The following GTPBP4 variants were observed in gnomAD, a reference collection of about 807,000 sequenced individuals.
GTPBP4 encodes GTP-binding protein 4.
Under a neutral mutation model 81.7 loss-of-function variants are expected in GTPBP4, and 15 were observed. The observed-to-expected ratio is 0.18, with a 90% CI of 0.12 to 0.28. The LOEUF (loss-of-function observed/expected upper bound fraction) is 0.28. Among genes scored for constraint, GTPBP4 ranks in the 10% least tolerant of loss-of-function variants. The pLI, the probability that GTPBP4 is intolerant of heterozygous loss-of-function variation, is 1.00. For synonymous variants in GTPBP4, 272 were observed against 274.6 expected (o/e 0.99, Z 0.09); for missense variants, 847 against 793.8 (o/e 1.07, Z -0.81).
chr10:997,097 G>C, intron 4 of GTPBP4, 111 bp from the exon 5 acceptor site: 1 of 717,084 alleles, frequency 1.4e-6, no homozygotes, highest in Non-Finnish European at 2.5e-6. Context: ...TACAAAAGTT[G>C]GAGTAAGATG....
rs1369552382 is a variant in GTPBP4 at position 1,018,122 on chromosome 10, A to G, written c.*895A>G. On this transcript the variant is annotated 3_prime_UTR_variant, in exon 17 of 17. Transcript: ENST00000360803. ...TCACACTTCTGGATTACATGTGGCA[A>G]TTTTAAAAATTTACCAGGGCTGGGC... is the stretch of plus-strand genomic sequence containing the variant. 1 of 152,254 alleles carries G rather than the reference A, an allele frequency of 6.6e-6. No homozygotes were observed. The highest frequency in any genetic ancestry group is 2.4e-5 in the African/African-American group (1 of 41,468). The allele number at this position is 152,254 out of a possible 1,614,324, so 9.4% of individuals were successfully genotyped here. A position where few individuals can be genotyped will look rare whatever the true frequency, so the allele number is the denominator to read the frequency against.
Position 989,511 on chromosome 10 carries a change from A to T in GTPBP4, c.48+984A>T, listed in dbSNP as rs374461371. Among the ~76,000 whole-genome samples the T allele has an allele frequency of 7.2e-5, 11 of 152,296 alleles. No individual in the cohort carries two copies. The East Asian group carries it at 2.1e-3, about 29-fold the overall frequency. On this transcript the variant is annotated intron_variant, in intron 1 of 16. Coordinates refer to ENST00000360803, the MANE Select transcript of GTPBP4 (RefSeq NM_012341.3). ...CATTGACGGGCAACTGGAGCCTCCC[A>T]GGGACTCCTGCACGAGAGGGAGTTA...
intron 1 of GTPBP4, among the ~76,000 whole-genome samples, chr10:991,859 C>A (rs1322723895): frequency 6.7e-6 from 1 of 148,622 alleles, no homozygotes; most frequent in South Asian, 2.1e-4. Context: ...CCACGCCCGG[C>A]TAATTTTTTG....
intron 16 of GTPBP4, 24 bp from the exon 17 acceptor site, chr10:1,017,047 ATACT>A (rs771245034): frequency 2.7e-5 from 43 of 1,594,746 alleles, no homozygotes; most frequent in Non-Finnish European, 3.7e-5. Flanking sequence ...AGTAATGAAC[ATACT>A]TTATTTTTTT....
chr10:1,017,340 T>C lies in GTPBP4; in HGVS notation c.*113T>C. ...TATAAACTGAAAAAGACAAAATAAG[T>C]AAAGCACTTGTTGCTTTGCTGAAAA... is the stretch of plus-strand genomic sequence containing the variant. On this transcript the variant is annotated 3_prime_UTR_variant, in exon 17 of 17. Coordinates refer to ENST00000360803, the MANE Select transcript of GTPBP4 (RefSeq NM_012341.3). 5 of 995,964 alleles carry C rather than the reference T, an allele frequency of 5.0e-6. No individual in the cohort carries two copies. The highest frequency in any genetic ancestry group is 7.5e-6 in the Non-Finnish European group (5 of 666,118). The allele number at this position is 995,964 out of a possible 1,614,324, so 61.7% of individuals were successfully genotyped here.
chr10:1,011,924 C>T (rs190920657), intron 13 of GTPBP4, among the ~76,000 whole-genome samples: 2 of 152,372 alleles, frequency 1.3e-5, no homozygotes, highest in Non-Finnish European at 2.9e-5. Context: ...CGAGGCCTGG[C>T]CCCCGTCTCA....
At chr10:1,007,907 CTT>C in intron 10 of GTPBP4, 1 of 517,402 alleles carries the variant, frequency 1.9e-6, no homozygotes, top group Non-Finnish European at 3.8e-6. Flanking sequence ...GGCTGTTTAT[CTT>C]TTTCTCGCTG....
At chr10:988,890 C>T (rs112133491) in intron 1 of GTPBP4, 17 of 227,926 alleles carry the variant, frequency 7.5e-5, no homozygotes, top group African/African-American at 3.6e-4. Context: ...TTCCGTGGTC[C>T]GTGATGAGCC....
intron 2 of GTPBP4, among the ~76,000 whole-genome samples, chr10:993,622 G>A (rs1413112308): frequency 6.6e-6 from 1 of 152,126 alleles, no homozygotes; most frequent in African/African-American, 2.4e-5. Context: ...GACACCATGT[G>A]TGGGGTAATG....
intron 8 of GTPBP4, among the ~76,000 whole-genome samples, chr10:1,004,797 G>A (rs1267259553): frequency 6.6e-6 from 1 of 152,152 alleles, no homozygotes; most frequent in Non-Finnish European, 1.5e-5. Context: ...GGGCCACCAG[G>A]TTTGGGTAGT....
rs1286407387 is a variant in GTPBP4 at position 1,019,882 on chromosome 10, A to G, written c.*2655A>G. The G allele has an allele frequency of 5.6e-6, 7 of 1,257,632 alleles. No homozygotes were observed. Among genetic ancestry groups the G allele is most frequent in the Non-Finnish European group, 6.9e-6 (6 of 870,140 alleles). The allele number at this position is 1,257,632 out of a possible 1,614,324, so 77.9% of individuals were successfully genotyped here. The stretch of plus-strand genomic sequence containing the variant: ...TGTTAACAACGCTAATGTAAAACAC[A>G]GAATTTACAGAAAAATAGAGAAAAT... On this transcript the variant is annotated 3_prime_UTR_variant, in exon 17 of 17. Transcript: ENST00000360803.
chr10:1,007,780 G>C, intron 10 of GTPBP4: 1 of 429,764 alleles, frequency 2.3e-6, no homozygotes, highest in Non-Finnish European at 4.6e-6. Context: ...TGTCCTCGGC[G>C]TGGTCGGGCA....
chr10:1,001,790 A>T (rs1251118336), intron 8 of GTPBP4, among the ~76,000 whole-genome samples: 1 of 150,594 alleles, frequency 6.6e-6, no homozygotes, highest in Non-Finnish European at 1.5e-5. Context: ...AATTGATGAG[A>T]TTTGTTTTGT....
chr10:1,009,312 C>A (rs1335661370), intron 11 of GTPBP4, among the ~76,000 whole-genome samples: 1 of 152,190 alleles, frequency 6.6e-6, no homozygotes, highest in Non-Finnish European at 1.5e-5. Flanking sequence ...GCCGGCCCCA[C>A]AGACAGGGAG....
In GTPBP4 at chr10:1,019,519, A is replaced by T. The variant is rs1279396779; in HGVS notation, c.*2292A>T. 14 of 1,610,428 alleles carry T rather than the reference A, an allele frequency of 8.7e-6. No individual in the cohort carries two copies. The highest frequency in any genetic ancestry group is 1.3e-5 in the African/African-American group (1 of 74,704). On this transcript the variant is annotated 3_prime_UTR_variant, in exon 17 of 17. Transcript: ENST00000360803. ...GGCTGACTCGACCTCCCTGCCTCTCACACTCTGTGTATTTTGTGAAGCTCC... is the reference window on the plus strand; with the variant it reads ...GGCTGACTCGACCTCCCTGCCTCTCTCACTCTGTGTATTTTGTGAAGCTCC...
intron 2 of GTPBP4, among the ~76,000 whole-genome samples, chr10:995,278 G>A (rs1589023374): frequency 6.6e-6 from 1 of 152,196 alleles, no homozygotes; most frequent in Non-Finnish European, 1.5e-5. Flanking sequence ...ACAGGACTTA[G>A]AGGGGTCAGA....
At chr10:1,006,944 C>A in intron 9 of GTPBP4, 74 bp from the exon 10 acceptor site, 2 of 893,796 alleles carry the variant, frequency 2.2e-6, no homozygotes, top group East Asian at 2.4e-5. Flanking sequence ...TGATCTGTGG[C>A]TCCTCCTGGA....
At chr10:1,002,593 G>A (rs1443111666) in intron 8 of GTPBP4, among the ~76,000 whole-genome samples, 1 of 152,098 alleles carries the variant, frequency 6.6e-6, no homozygotes, top group Non-Finnish European at 1.5e-5. Flanking sequence ...TGTAAGGCTG[G>A]TCTAGTAGTG....
At chr10:990,458 C>G (rs538045697) in intron 1 of GTPBP4, among the ~76,000 whole-genome samples, 7 of 152,226 alleles carry the variant, frequency 4.6e-5, no homozygotes, top group Middle Eastern at 6.8e-3. Context: ...TGCGGTGGCT[C>G]TCGCCTGTAA....
Sources: allele counts gnomAD v4.1 joint callset (sites outside exome capture counted in the v4.1 genomes callset), GRCh38; gene constraint gnomAD v4.1.1; transcripts MANE v1.5; gene names NCBI Gene and HGNC (gene_info 2026-07-23, HGNC 2026-07-21).